Variants in CNTNAP2 observed in about 807,000 individuals in gnomAD.
CNTNAP2 encodes the protein contactin associated protein 2.
CNTNAP2 carries 98 observed loss-of-function variants against 155.2 expected under a neutral mutation model. The observed-to-expected ratio is 0.63, with a 90% CI of 0.54 to 0.75. The LOEUF is 0.75. Among genes scored for constraint, CNTNAP2 ranks in the 30% least tolerant of loss-of-function variants. The pLI, the probability that CNTNAP2 is intolerant of heterozygous loss-of-function variation, is 0.00. For missense variants in CNTNAP2, 1,727 were observed against 1,688.1 expected, an observed-to-expected ratio of 1.02 and a Z score of -0.40; for synonymous variants, 651 against 631.2, an observed-to-expected ratio of 1.03 and a Z score of -0.47.
chr7:147,286,617 A>G (rs1422724504), intron 8 of CNTNAP2, among the ~76,000 whole-genome samples: 4 of 152,116 alleles, frequency 2.6e-5, no homozygotes, highest in African/African-American at 9.7e-5. Context: ...TCTGAACCTG[A>G]GAGAAGACCT....
chr7:147,815,136 A>G (rs1487794517), intron 13 of CNTNAP2, among the ~76,000 whole-genome samples: 4 of 152,178 alleles, frequency 2.6e-5, no homozygotes, highest in Non-Finnish European at 4.4e-5. Context: ...TTATGAAGTG[A>G]TAGTGTAGAC....
At chr7:146,392,563 T>C (rs1795560241) in intron 1 of CNTNAP2, among the ~76,000 whole-genome samples, 1 of 152,178 alleles carries the variant, frequency 6.6e-6, no homozygotes, top group Non-Finnish European at 1.5e-5. Context: ...GGAGAAAATA[T>C]TCGGAATTTA....
intron 8 of CNTNAP2, among the ~76,000 whole-genome samples, chr7:147,189,737 C>T (rs917005756): frequency 1.6e-5 from 2 of 122,770 alleles, no homozygotes; most frequent in Admixed American, 8.4e-5. Flanking sequence ...CTCACATTAA[C>T]ACCACTTTTT....
intron 21 of CNTNAP2, among the ~76,000 whole-genome samples, chr7:148,352,155 G>C (rs1317750874): frequency 1.3e-5 from 2 of 152,182 alleles, no homozygotes; most frequent in South Asian, 2.1e-4. Flanking sequence ...GCTGGATGCC[G>C]CTGAAGGGTT....
chr7:146,846,133 C>A (rs1328542716), intron 3 of CNTNAP2, among the ~76,000 whole-genome samples: 1 of 152,180 alleles, frequency 6.6e-6, no homozygotes, highest in African/African-American at 2.4e-5. Context: ...CCTGCCCCTA[C>A]ATCTTCCATC....
intron 11 of CNTNAP2, among the ~76,000 whole-genome samples, chr7:147,518,451 G>A (rs773120333): frequency 6.6e-6 from 1 of 152,182 alleles, no homozygotes; most frequent in Non-Finnish European, 1.5e-5. Flanking sequence ...CTGGACTTTG[G>A]GGGCCTGTCC....
intron 10 of CNTNAP2, among the ~76,000 whole-genome samples, chr7:147,414,165 C>T (rs1210740977): frequency 6.6e-6 from 1 of 152,118 alleles, no homozygotes; most frequent in African/African-American, 2.4e-5. Context: ...TGGCTCACAC[C>T]TGTAATCCCA....
At chr7:146,473,395 C>G (rs544235998) in intron 1 of CNTNAP2, among the ~76,000 whole-genome samples, 1 of 152,038 alleles carries the variant, frequency 6.6e-6, no homozygotes, top group South Asian at 2.1e-4. Context: ...TGCCTCTTTT[C>G]CCTTCTTCTT....
intron 15 of CNTNAP2, among the ~76,000 whole-genome samples, chr7:148,027,250 T>C (rs563590282): frequency 1.8e-4 from 28 of 152,338 alleles, no homozygotes; most frequent in African/African-American, 6.5e-4. Context: ...CAGATTAATA[T>C]CTAGTTTTCT....
intron 13 of CNTNAP2, among the ~76,000 whole-genome samples, chr7:147,739,488 A>G (rs939054932): frequency 2.0e-5 from 3 of 152,150 alleles, no homozygotes; most frequent in Non-Finnish European, 4.4e-5. Flanking sequence ...TAGGAATTCC[A>G]TATCTTGTCT....
intron 11 of CNTNAP2, among the ~76,000 whole-genome samples, chr7:147,515,523 A>T (rs1454467891): frequency 2.0e-5 from 3 of 151,646 alleles, no homozygotes; most frequent in African/African-American, 7.3e-5. Flanking sequence ...GGGTTTTACC[A>T]TGTTGGCCAG....
At chr7:147,378,608 G>GGGTT (rs1796481488) in intron 9 of CNTNAP2, among the ~76,000 whole-genome samples, 1 of 152,060 alleles carries the variant, frequency 6.6e-6, no homozygotes, top group Admixed American at 6.6e-5. Context: ...GGCTGGGAAG[G>GGGTT]ATAGTGGGTA....
intron 1 of CNTNAP2, among the ~76,000 whole-genome samples, chr7:146,151,668 A>ATATATG (rs1798047933): frequency 2.1e-5 from 1 of 47,650 alleles, no homozygotes; most frequent in African/African-American, 7.8e-5. Flanking sequence ...ATATATATAT[A>ATATATG]TATATATATA....
At chr7:147,113,617 G>A (rs759990877) in intron 5 of CNTNAP2, among the ~76,000 whole-genome samples, 3 of 152,070 alleles carry the variant, frequency 2.0e-5, no homozygotes, top group Non-Finnish European at 4.4e-5. Context: ...CAGATGTCAT[G>A]AGAACTCAAT....
At chr7:146,915,640 G>A (rs1796377410) in intron 3 of CNTNAP2, among the ~76,000 whole-genome samples, 1 of 152,102 alleles carries the variant, frequency 6.6e-6, no homozygotes, top group Non-Finnish European at 1.5e-5. Flanking sequence ...CACTGTGTAT[G>A]TATAGAGCTA....
At chr7:147,014,207 T>C (rs1426706232) in intron 3 of CNTNAP2, among the ~76,000 whole-genome samples, 1 of 152,190 alleles carries the variant, frequency 6.6e-6, no homozygotes, top group African/African-American at 2.4e-5. Context: ...AAATGTATTT[T>C]CTCAGCAGGA....
rs898608678 is a variant in CNTNAP2 at position 146,939,256 on chromosome 7, A to C, written c.402+99352A>C. Among the ~76,000 whole-genome samples the C allele has an allele frequency of 3.3e-5, 5 of 152,170 alleles. No individual in the cohort carries two copies. In the South Asian group the frequency reaches 6.2e-4, roughly 19 times the overall value. The stretch of plus-strand genomic sequence containing the variant: ...TCTATAGTATGTTTCAGAAACTCAC[A>C]ATAGGAGTTCGTTTTGAATTCTTCT... On this transcript the variant is annotated intron_variant, in intron 3 of 23. Transcript: ENST00000361727.
intron 21 of CNTNAP2, among the ~76,000 whole-genome samples, chr7:148,343,319 A>G (rs970122299): frequency 6.6e-6 from 1 of 152,212 alleles, no homozygotes; most frequent in Non-Finnish European, 1.5e-5. Flanking sequence ...CCCGGTGCCC[A>G]CTAAGCCTTG....
intron 1 of CNTNAP2, among the ~76,000 whole-genome samples, chr7:146,162,721 A>G (rs979572091): frequency 6.6e-6 from 1 of 152,160 alleles, no homozygotes; most frequent in Non-Finnish European, 1.5e-5. Flanking sequence ...TGTTTATTGC[A>G]CCACTATTCA....
Sources: gnomAD v4.1 joint callset for allele counts (sites outside exome capture counted in the v4.1 genomes callset) on GRCh38, gnomAD v4.1.1 for gene constraint, MANE v1.5 for transcripts, NCBI Gene and HGNC (gene_info 2026-07-23, HGNC 2026-07-21) for gene names.